Variants in APBA2 observed in about 807,000 individuals in gnomAD.
The protein encoded by APBA2 is amyloid-beta A4 precursor protein-binding family A member 2.
APBA2 carries 30 observed loss-of-function variants against 75.0 expected under a neutral mutation model. The observed-to-expected ratio is 0.40, with a 90% confidence interval of 0.30 to 0.54. The LOEUF is 0.54. Ranked by LOEUF, APBA2 falls within the 20% of genes least tolerant of loss-of-function variation. The probability of loss-of-function intolerance (pLI) is 0.49; values close to 1 mark genes in which losing one functional copy is unlikely to be tolerated. For synonymous variants in APBA2, 444 were observed against 409.6 expected (o/e 1.08, Z -1.01); for missense variants, 801 against 1,016.1 (o/e 0.79, Z 2.88).
chr15:29,026,502 T>C (rs1223902340), intron 3 of APBA2, among the ~76,000 whole-genome samples: 2 of 152,238 alleles, frequency 1.3e-5, no homozygotes, highest in African/African-American at 4.8e-5. Context: ...TCATTAGTTG[T>C]TGCAAATTGG....
rs1481043445 is a variant in APBA2, at chr15:29,108,255, C to T, written c.1918-15C>T. 6 of 1,613,602 alleles carry T rather than the reference C, an allele frequency of 3.7e-6. No homozygotes were observed. The highest frequency in any genetic ancestry group is 3.3e-5 in the South Asian group (3 of 91,082). On this transcript the variant is annotated splice_polypyrimidine_tract_variant and intron_variant, in intron 12 of 14. Transcript: ENST00000683413. The stretch of plus-strand genomic sequence containing the variant: ...CTAAGGCCCAGCCTGTGACTCCTGT[C>T]CCCGTGCTCTGCAGGGCCTGAAGAA...
chr15:29,117,918 T>TA lies in APBA2; in HGVS notation c.*789dup, dbSNP rs374972792. On this transcript the variant is annotated 3_prime_UTR_variant, in exon 15 of 15. Transcript: ENST00000683413. ...AGGGCACAGGTGTCTGCCCCCTCTTTAAAATCGATCTACACACATCCACGC... is the reference window on the plus strand; with the variant it reads ...AGGGCACAGGTGTCTGCCCCCTCTTTAAAAATCGATCTACACACATCCACGC... 14 of 107,248 alleles carry TA rather than the reference T, an allele frequency of 1.3e-4. No homozygotes were observed. The highest frequency in any genetic ancestry group is 4.6e-4 in the African/African-American group (13 of 28,058). 6.6% of individuals were successfully genotyped at this position (107,248 alleles called of 1,614,324 possible).
At chr15:28,904,694 T>G (rs902261005) in intron 1 of APBA2, among the ~76,000 whole-genome samples, 1 of 152,122 alleles carries the variant, frequency 6.6e-6, no homozygotes, top group African/African-American at 2.4e-5. Flanking sequence ...GCACGCAGAC[T>G]CCCTGTGTCC....
rs374636888 is a variant in APBA2 at position 29,117,983 on chromosome 15, G to A, written c.*850G>A. 9 of 152,586 alleles carry A rather than the reference G, an allele frequency of 5.9e-5. No individual in the cohort carries two copies. The highest frequency in any genetic ancestry group is 3.9e-4 in the Admixed American group (6 of 15,294). 9.5% of individuals were successfully genotyped at this position (152,586 alleles called of 1,614,324 possible). Reference sequence around the variant, plus strand: ...GGAAACGAAACCCACTCTAGAAAACGCGACCTTGGCCGCACCTAAAGCAGC... The same window carrying A: ...GGAAACGAAACCCACTCTAGAAAACACGACCTTGGCCGCACCTAAAGCAGC... On this transcript the variant is annotated 3_prime_UTR_variant, in exon 15 of 15. Transcript: ENST00000683413.
At chr15:28,966,812 G>A (rs1024405806) in intron 2 of APBA2, among the ~76,000 whole-genome samples, 9 of 151,910 alleles carry the variant, frequency 5.9e-5, no homozygotes, top group African/African-American at 1.7e-4. Context: ...TATTTATACT[G>A]TGTTTGAATG....
chr15:29,038,442 T>C (rs554663810), intron 3 of APBA2, among the ~76,000 whole-genome samples: 37 of 152,114 alleles, frequency 2.4e-4, no homozygotes, highest in South Asian at 6.2e-4. Context: ...TTTTCCGTGG[T>C]ATGGGTTGGT....
intron 8 of APBA2, among the ~76,000 whole-genome samples, chr15:29,094,537 T>A (rs1462624178): frequency 2.0e-5 from 3 of 152,268 alleles, no homozygotes; most frequent in Non-Finnish European, 4.4e-5. Context: ...TTCTTCTTTC[T>A]TAGCATCTCC....
In APBA2 at chr15:28,984,654, G is replaced by A. The variant is rs918233293; in HGVS notation, c.-94-11099G>A. ...GGGTGTCCCCCACTGCCATCTCTGGGTGCTGGGGGAGCTGCTGTATATCTC... is the reference window on the plus strand; with the variant it reads ...GGGTGTCCCCCACTGCCATCTCTGGATGCTGGGGGAGCTGCTGTATATCTC... On this transcript the variant is annotated intron_variant, in intron 2 of 14. Coordinates refer to ENST00000683413, the MANE Select transcript of APBA2 (RefSeq NM_001353788.2). Among the ~76,000 whole-genome samples, 9 of 151,814 alleles carry A rather than the reference G, an allele frequency of 5.9e-5. 1 individual carries two copies. The Middle Eastern group carries it at 0.024, about 402-fold the overall frequency.
intron 1 of APBA2, among the ~76,000 whole-genome samples, chr15:28,898,678 CT>C (rs1387799819): frequency 6.6e-6 from 1 of 152,072 alleles, no homozygotes; most frequent in Non-Finnish European, 1.5e-5. Flanking sequence ...TGGAACTTTT[CT>C]GTATGTATAT....
intron 3 of APBA2, among the ~76,000 whole-genome samples, chr15:29,052,381 G>A (rs2041637429): frequency 6.7e-6 from 1 of 149,658 alleles, no homozygotes; most frequent in African/African-American, 2.5e-5. Flanking sequence ...TGTGAACCCA[G>A]GAGGTGGAAC....
At chr15:29,049,520 G>A (rs2041497383) in intron 3 of APBA2, among the ~76,000 whole-genome samples, 1 of 152,166 alleles carries the variant, frequency 6.6e-6, no homozygotes. Context: ...CCTCTAGGAA[G>A]GGTGGACATT....
rs143704823 is a variant in APBA2 at position 28,986,022 on chromosome 15, A to G, written c.-94-9731A>G. Among the ~76,000 whole-genome samples the G allele has an allele frequency of 3.5e-4, 54 of 152,274 alleles. No individual in the cohort carries two copies. The East Asian group carries it at 0.01, about 28-fold the overall frequency. ...CCCTCCCTGCCTCTCAGGCACAAGC[A>G]TATGCTTGTTTGGCCTAAAAAAGTC... On this transcript the variant is annotated intron_variant, in intron 2 of 14. Coordinates refer to ENST00000683413, the MANE Select transcript of APBA2 (RefSeq NM_001353788.2).
intron 3 of APBA2, chr15:29,044,506 C>T (rs2041206165): frequency 1.3e-5 from 2 of 152,064 alleles, no homozygotes; most frequent in Non-Finnish European, 2.9e-5. Context: ...ATATGATTGA[C>T]TAGAAGCAAA....
At chr15:29,096,167 G>A (rs2043840275) in intron 8 of APBA2, among the ~76,000 whole-genome samples, 1 of 152,248 alleles carries the variant, frequency 6.6e-6, no homozygotes, top group South Asian at 2.1e-4. Context: ...CCATGGGGAT[G>A]ACTGCAGGTC....
intron 3 of APBA2, among the ~76,000 whole-genome samples, chr15:29,008,590 T>C (rs1164785967): frequency 6.6e-6 from 1 of 152,060 alleles, no homozygotes; most frequent in Non-Finnish European, 1.5e-5. Context: ...TAGCTAGGTG[T>C]CCTAGCTACT....
In APBA2 at chr15:29,087,160, G is replaced by A. The variant is rs958216581; in HGVS notation, c.1070-5915G>A. Among the ~76,000 whole-genome samples the A allele has an allele frequency of 3.9e-5, 6 of 152,194 alleles. No individual in the cohort carries two copies. The South Asian group carries it at 1.0e-3, about 26-fold the overall frequency. On this transcript the variant is annotated intron_variant, in intron 6 of 14. Coordinates refer to ENST00000683413, the MANE Select transcript of APBA2 (RefSeq NM_001353788.2). ...TCCACTGTGTGGATAGATGTCTCCT[G>A]TTCAGGAGTGTTTGGGTGGTTTCCA... is the stretch of plus-strand genomic sequence containing the variant.
intron 3 of APBA2, among the ~76,000 whole-genome samples, chr15:29,020,703 G>A (rs1309801174): frequency 6.6e-6 from 1 of 151,938 alleles, no homozygotes; most frequent in African/African-American, 2.4e-5. Context: ...CCAGCTACTC[G>A]GGAGGCTGGG....
intron 3 of APBA2, among the ~76,000 whole-genome samples, chr15:29,045,520 C>T (rs56661688): frequency 0.041 from 6,229 of 152,042 alleles, 318 homozygotes; most frequent in East Asian, 0.24. Flanking sequence ...ATTTTGGGGG[C>T]GATGCAAACA....
chr15:29,014,266 C>G (rs1356632290), intron 3 of APBA2, among the ~76,000 whole-genome samples: 1 of 152,244 alleles, frequency 6.6e-6, no homozygotes, highest in Non-Finnish European at 1.5e-5. Flanking sequence ...AAAATCCTGC[C>G]TTGCTAAAGT....
Sources: allele counts gnomAD v4.1 joint callset (sites outside exome capture counted in the v4.1 genomes callset), GRCh38; gene constraint gnomAD v4.1.1; transcripts MANE v1.5; gene names NCBI Gene and HGNC (gene_info 2026-07-23, HGNC 2026-07-21).